The following BST1 variants were observed in gnomAD, a reference collection of about 807,000 sequenced individuals.
BST1 encodes ADP-ribosyl cyclase/cyclic ADP-ribose hydrolase 2.
A neutral mutation model predicts 40.6 loss-of-function variants in BST1; 49 were observed. The ratio of observed to expected loss-of-function variants is 1.21; its 90% confidence interval spans 0.96 to 1.53. The LOEUF (loss-of-function observed/expected upper bound fraction) is 1.53. BST1 is among the 40% of genes most tolerant of loss of function. The pLI, the probability that BST1 is intolerant of heterozygous loss-of-function variation, is 0.00. For synonymous variants in BST1, 157 were observed against 159.3 expected, an observed-to-expected ratio of 0.99 and a Z score of 0.11; for missense variants, 423 against 395.9, an observed-to-expected ratio of 1.07 and a Z score of -0.58.
the BST1 span, among the ~76,000 whole-genome samples, chr4:15,748,920 G>T: frequency 6.6e-6 from 1 of 152,078 alleles, no homozygotes; most frequent in Admixed American, 6.5e-5. Context: ...TGCAAGAGTC[G>T]CAGTAATTGA....
chr4:15,762,188 C>CA, the BST1 span, among the ~76,000 whole-genome samples: 772 of 61,180 alleles, frequency 0.013, 54 homozygotes, highest in Middle Eastern at 0.081. Flanking sequence ...GACTCCATCT[C>CA]AAAAAAAAAA....
At chr4:15,715,857 A>C (rs550662227) in intron 6 of BST1, 58 bp downstream of exon 6, 1 of 1,279,918 alleles carries the variant, frequency 7.8e-7, no homozygotes, top group Non-Finnish European at 1.1e-6. Context: ...CTTGTATATA[A>C]TATGATAAAG....
At chr4:15,762,244 C>CATACATATGT in the BST1 span, among the ~76,000 whole-genome samples, 1 of 142,686 alleles carries the variant, frequency 7.0e-6, no homozygotes, top group African/African-American at 2.6e-5. Flanking sequence ...CAAAACCATG[C>CATACATATGT]ATACATATGT....
chr4:15,723,262 C>T (rs987009715), intron 8 of BST1, among the ~76,000 whole-genome samples: 5 of 151,762 alleles, frequency 3.3e-5, no homozygotes, highest in South Asian at 2.1e-4. Flanking sequence ...TTTTGGGAGG[C>T]GGGGGGCAGA....
the BST1 span, among the ~76,000 whole-genome samples, chr4:15,746,548 G>A: frequency 6.6e-6 from 1 of 152,154 alleles, no homozygotes; most frequent in Non-Finnish European, 1.5e-5. Context: ...TTTTTACCAG[G>A]ACTCCTGCAA....
chr4:15,742,309 G>C (rs575654871), downstream of BST1, among the ~76,000 whole-genome samples: 1 of 152,250 alleles, frequency 6.6e-6, no homozygotes, highest in East Asian at 1.9e-4. Context: ...ATGGGTGTGT[G>C]AGTTCTCACT....
At chr4:15,752,934 G>T in the BST1 span, among the ~76,000 whole-genome samples, 1 of 151,784 alleles carries the variant, frequency 6.6e-6, no homozygotes, top group African/African-American at 2.4e-5. Context: ...AAATCACTAA[G>T]AAGATATAAA....
chr4:15,763,659 A>G, the BST1 span, among the ~76,000 whole-genome samples: 2 of 152,064 alleles, frequency 1.3e-5, 1 homozygote, highest in African/African-American at 4.8e-5. Context: ...CAGGAAACAA[A>G]ACAAAATAAC....
At position 15,722,897 on chromosome 4, in the gene BST1, G is replaced by A. The variant is rs144197373; in HGVS notation, c.814G>A (p.Val272Met). 1.5e-3 allele frequency: 2,390 copies of A among 1,613,588 alleles called. 8 individuals are homozygous for A. Among genetic ancestry groups the A allele is most frequent in the South Asian group, 3.0e-3 (270 of 91,012 alleles). Residue 272 changes from valine to methionine, a missense_variant, in exon 8 of 9, where the codon GTG becomes ATG. Val to Met is a conservative substitution (Grantham distance 21). Transcript: ENST00000265016. ...DYRPVKLLQC[V>M]DHSTHPDCAL... ...TAGACCAGTGAAGCTCTTACAGTGC[G>A]TGGACCACAGCACCCATCCTGACTG...
At chr4:15,706,213 C>A (rs186406835) in intron 2 of BST1, among the ~76,000 whole-genome samples, 38 of 152,272 alleles carry the variant, frequency 2.5e-4, no homozygotes, top group African/African-American at 8.2e-4. Context: ...GTAGATCTCC[C>A]GCTGGTTGTG....
the BST1 span, chr4:15,743,562 C>A: frequency 2.8e-6 from 1 of 359,130 alleles, no homozygotes. Context: ...CTGGGAGATG[C>A]TGATGGCACA....
chr4:15,730,119 A>G (rs1040721722), intron 8 of BST1, among the ~76,000 whole-genome samples: 2 of 152,238 alleles, frequency 1.3e-5, no homozygotes, highest in African/African-American at 4.8e-5. Flanking sequence ...TAGGTGGAGC[A>G]CTAATACAAA....
intron 3 of BST1, among the ~76,000 whole-genome samples, chr4:15,710,247 T>G (rs1004871278): frequency 1.3e-5 from 2 of 152,172 alleles, no homozygotes; most frequent in Non-Finnish European, 2.9e-5. Context: ...GCACTGGCAT[T>G]ACAGGCCACA....
intron 3 of BST1, among the ~76,000 whole-genome samples, chr4:15,710,694 G>A (rs1027362036): frequency 2.0e-5 from 3 of 152,068 alleles, no homozygotes; most frequent in African/African-American, 7.2e-5. Context: ...TTGTTTTCCT[G>A]TACCTGGCTT....
chr4:15,739,227 A>G (rs1012352180), downstream of BST1, among the ~76,000 whole-genome samples: 1 of 152,200 alleles, frequency 6.6e-6, no homozygotes, highest in Admixed American at 6.5e-5. Context: ...GAAAATCTGA[A>G]CTATGCTAAT....
At chr4:15,750,814 T>C in the BST1 span, among the ~76,000 whole-genome samples, 1 of 151,116 alleles carries the variant, frequency 6.6e-6, no homozygotes, top group African/African-American at 2.4e-5. Flanking sequence ...GTTTTTTTGT[T>C]CCTTAATAAT....
intron 6 of BST1, among the ~76,000 whole-genome samples, chr4:15,716,615 C>G (rs73224663): frequency 0.09 from 13,752 of 152,300 alleles, 794 homozygotes; most frequent in Non-Finnish European, 0.13. Flanking sequence ...TTTTTCCCGT[C>G]TCTTAGGCAA....
the BST1 span, among the ~76,000 whole-genome samples, chr4:15,764,803 T>C: frequency 6.6e-6 from 1 of 151,776 alleles, no homozygotes; most frequent in Non-Finnish European, 1.5e-5. Flanking sequence ...CTGGCCACAG[T>C]GATTGGCTCA....
the BST1 span, among the ~76,000 whole-genome samples, chr4:15,761,438 T>C: frequency 6.6e-6 from 1 of 151,990 alleles, no homozygotes; most frequent in Non-Finnish European, 1.5e-5. Context: ...TGGCAATACA[T>C]GTATACCATA....
Sources: allele counts gnomAD v4.1 joint callset (sites outside exome capture counted in the v4.1 genomes callset), GRCh38; gene constraint gnomAD v4.1.1; transcripts MANE v1.5; gene names NCBI Gene and HGNC (gene_info 2026-07-23, HGNC 2026-07-21).